The following SFTPB variants were observed in gnomAD, a reference collection of about 807,000 sequenced individuals.
SFTPB encodes the protein pulmonary surfactant-associated protein B.
A neutral mutation model predicts 51.0 loss-of-function variants in SFTPB; 32 were observed. The observed-to-expected ratio is 0.63, with a 90% CI of 0.47 to 0.84. The LOEUF is 0.84. Ranked by LOEUF, SFTPB falls within the 40% of genes least tolerant of loss-of-function variation. The probability of loss-of-function intolerance (pLI) is 0.00; values close to 1 mark genes in which losing one functional copy is unlikely to be tolerated. For missense variants in SFTPB, 431 were observed against 491.2 expected, an observed-to-expected ratio of 0.88 and a Z score of 1.16; for synonymous variants, 211 against 208.5, an observed-to-expected ratio of 1.01 and a Z score of -0.10.
rs370006226 is a variant in SFTPB, at chr2:85,667,071, G to A, written c.267+35C>T. 1.3e-5 allele frequency: 20 copies of A among 1,551,558 alleles called. No individual in the cohort carries two copies. In the African/African-American group the frequency reaches 2.3e-4, roughly 18 times the overall value. On this transcript the variant is annotated intron_variant, in intron 3 of 10. Transcript: ENST00000519937. ...CCCTGCTCTGTCCCTCATCTCTTGG[G>A]CCCCAACCTTCATCCAGGATCTGGG...
At chr2:85,668,254 G>C, upstream of SFTPB, 2 of 1,426,222 alleles carry the variant, frequency 1.4e-6, no homozygotes, top group Non-Finnish European at 1.9e-6. Flanking sequence ...TGGGGGCTCT[G>C]TAGGAGTGGC....
At chr2:85,668,379 C>T, upstream of SFTPB, 2 of 625,068 alleles carry the variant, frequency 3.2e-6, no homozygotes, top group Admixed American at 2.5e-5. Context: ...ATGGCCTGTT[C>T]CTGCCTCCTT....
chr2:85,662,186 C>G, intron 8 of SFTPB, 77 bp from the exon 9 acceptor site: 3 of 1,554,876 alleles, frequency 1.9e-6, no homozygotes, highest in Non-Finnish European at 2.6e-6. Flanking sequence ...CTCTCCACAT[C>G]TCTGGATCAC....
intron 4 of SFTPB, 61 bp downstream of exon 4, chr2:85,666,556 C>T (rs1677648983): frequency 2.5e-6 from 4 of 1,581,688 alleles, no homozygotes; most frequent in South Asian, 1.1e-5. Context: ...TGTGGCTCCC[C>T]ATGGGTGGGC....
At chr2:85,664,669 C>T (rs990138598) in intron 6 of SFTPB, among the ~76,000 whole-genome samples, 2 of 152,152 alleles carry the variant, frequency 1.3e-5, no homozygotes, top group Non-Finnish European at 2.9e-5. Context: ...GCCATGTTGC[C>T]CAAGCTGGTC....
chr2:85,661,289 G>A, intron 10 of SFTPB, 165 bp downstream of exon 10: 1 of 556,022 alleles, frequency 1.8e-6, no homozygotes, highest in Non-Finnish European at 3.3e-6. Context: ...TTTCCTGATG[G>A]CCAGCCAGAA....
chr2:85,664,586 T>C (rs1677479221), intron 6 of SFTPB, among the ~76,000 whole-genome samples: 2 of 152,188 alleles, frequency 1.3e-5, no homozygotes, highest in African/African-American at 4.8e-5. Flanking sequence ...TGCCTCAGCC[T>C]CCCGAGTAGC....
At position 85,663,460 on chromosome 2, in the gene SFTPB, G is replaced by A. The variant is rs538947359; in HGVS notation, c.888C>T (p.Asp296=). 2 of 1,613,972 alleles carry A rather than the reference G, an allele frequency of 1.2e-6. No homozygotes were observed. The highest frequency in any genetic ancestry group is 1.1e-5 in the South Asian group (1 of 91,088). The change falls in exon 8 of 11, where the codon GAC becomes GAT. Residue 296 remains aspartate, a synonymous_variant. Coordinates refer to ENST00000519937, the MANE Select transcript of SFTPB (RefSeq NM_000542.5). The stretch of plus-strand genomic sequence containing the variant: ...CGGACATGCAGAGGTGGCACTCAGA[G>A]TCTCGCGGCAGCCATTCTCCTGTCG... ...RSPTGEWLPR[D]SECHLCMSVT... is the part of the protein sequence containing the mutation.
chr2:85,662,866 AG>A (rs1486304392), intron 8 of SFTPB, among the ~76,000 whole-genome samples: 3 of 148,120 alleles, frequency 2.0e-5, no homozygotes, highest in East Asian at 4.1e-4. Context: ...AAAAAAAAAA[AG>A]GGAATTTCCT....
intron 8 of SFTPB, among the ~76,000 whole-genome samples, chr2:85,662,718 G>A (rs1306225530): frequency 6.6e-6 from 1 of 152,038 alleles, no homozygotes; most frequent in Non-Finnish European, 1.5e-5. Flanking sequence ...GCACATGCCT[G>A]TAATCCCAGC....
chr2:85,662,338 A>G (rs1207929945), intron 8 of SFTPB: 5 of 1,368,130 alleles, frequency 3.7e-6, no homozygotes, highest in African/African-American at 1.5e-5. Context: ...GGACTCAGGC[A>G]GAGGGGTGGA....
Position 85,663,661 on chromosome 2 carries a change from C to T in SFTPB, c.856+3G>A, listed in dbSNP as rs374087366. On this transcript the variant is annotated splice_donor_region_variant and intron_variant, in intron 7 of 10. Transcript: ENST00000519937. ...TGGGCTAAGGAGTGGGCAGTGGGCT[C>T]ACTTGGGCCAGCGCTGTCATCCATG... 9 of 1,610,138 alleles carry T rather than the reference C, an allele frequency of 5.6e-6. No homozygotes were observed. Among genetic ancestry groups the T allele is most frequent in the Non-Finnish European group, 7.6e-6 (9 of 1,178,548 alleles).
intron 7 of SFTPB, 77 bp downstream of exon 7, chr2:85,663,587 G>T: frequency 6.3e-7 from 1 of 1,594,520 alleles, no homozygotes; most frequent in East Asian, 2.3e-5. Context: ...GGACCACAGA[G>T]GGAGAGGGTC....
intron 10 of SFTPB, among the ~76,000 whole-genome samples, chr2:85,660,731 C>T (rs986073592): frequency 2.6e-5 from 4 of 152,178 alleles, no homozygotes; most frequent in South Asian, 4.1e-4. Flanking sequence ...CTGGGATTAC[C>T]GGCGTGAGCC....
intron 7 of SFTPB, 62 bp from the exon 8 acceptor site, chr2:85,663,553 T>G: frequency 6.2e-7 from 1 of 1,603,554 alleles, no homozygotes; most frequent in East Asian, 2.3e-5. Context: ...GTTTGGTTTC[T>G]GTCCTCCTTG....
In SFTPB at chr2:85,663,657, G is replaced by GGCTCACTTGGGCCAGCGC. The variant is rs1677427346; in HGVS notation, c.845_856+6dup. 6.2e-7 allele frequency: 1 copy of GGCTCACTTGGGCCAGCGC among 1,609,558 alleles called. No homozygotes were observed. Among genetic ancestry groups the GGCTCACTTGGGCCAGCGC allele is most frequent in the South Asian group, 1.1e-5 (1 of 90,196 alleles). On this transcript the variant is annotated splice_region_variant and intron_variant, in intron 7 of 10. Coordinates refer to ENST00000519937, the MANE Select transcript of SFTPB (RefSeq NM_000542.5). ...GCATTGGGCTAAGGAGTGGGCAGTG[G>GGCTCACTTGGGCCAGCGC]GCTCACTTGGGCCAGCGCTGTCATC...
At chr2:85,666,999 G>C in intron 3 of SFTPB, 107 bp downstream of exon 3, 1 of 1,098,928 alleles carries the variant, frequency 9.1e-7, no homozygotes, top group Admixed American at 1.9e-5. Context: ...AGGCACCCAG[G>C]CCTCCTCCTC....
rs937667239 is a variant in SFTPB, at chr2:85,665,798, G to T, written c.394-4C>A. On this transcript the variant is annotated splice_region_variant and splice_polypyrimidine_tract_variant and intron_variant, in intron 4 of 10. Transcript: ENST00000519937. ...GCATACAGATGCCGTTTGAGTCCTG[G>T]GGCACAGCACAGGGTGGGAGTGTTA... 1.9e-6 allele frequency: 3 copies of T among 1,614,044 alleles called. No individual in the cohort carries two copies. The highest frequency in any genetic ancestry group is 2.5e-6 in the Non-Finnish European group (3 of 1,179,932).
rs56132282 is a variant in SFTPB, at chr2:85,666,169, G to GGTGTGTGT, written c.394-383_394-376dup. The stretch of plus-strand genomic sequence containing the variant: ...AGTTTCCTAGGCCCTTTGTGGACAG[G>GGTGTGTGT]GTGTGTGTGTGTGTGTGTGTGGCCA... On this transcript the variant is annotated intron_variant, in intron 4 of 10. Coordinates refer to ENST00000519937, the MANE Select transcript of SFTPB (RefSeq NM_000542.5). Among the ~76,000 whole-genome samples, 1,088 of 146,162 alleles carry GGTGTGTGT rather than the reference G, an allele frequency of 7.4e-3. 13 individuals are homozygous for GGTGTGTGT. The highest frequency in any genetic ancestry group is 0.026 in the African/African-American group (1,023 of 38,946).
Sources: gnomAD v4.1 joint callset for allele counts (sites outside exome capture counted in the v4.1 genomes callset) on GRCh38, gnomAD v4.1.1 for gene constraint, MANE v1.5 for transcripts, NCBI Gene and HGNC (gene_info 2026-07-23, HGNC 2026-07-21) for gene names.